The following SREBF2 variants were observed in gnomAD, a reference collection of about 807,000 sequenced individuals.
SREBF2 encodes the protein sterol regulatory element-binding protein 2.
In SREBF2, 55 loss-of-function variants were observed where a neutral mutation model predicts 113.1. That is an observed-to-expected ratio of 0.49 (90% CI 0.39 to 0.61). The LOEUF is 0.61. Ranked by LOEUF, SREBF2 falls within the 20% of genes least tolerant of loss-of-function variation. The probability of loss-of-function intolerance (pLI) is 0.00; values close to 1 mark genes in which losing one functional copy is unlikely to be tolerated. For synonymous variants in SREBF2, 593 were observed against 605.7 expected, an observed-to-expected ratio of 0.98 and a Z score of 0.31; for missense variants, 1,349 against 1,487.4, an observed-to-expected ratio of 0.91 and a Z score of 1.53.
intron 1 of SREBF2, among the ~76,000 whole-genome samples, chr22:41,848,366 C>T (rs1456441195): frequency 1.3e-5 from 2 of 152,062 alleles, no homozygotes; most frequent in Admixed American, 6.6e-5. Context: ...GGATTACAGG[C>T]GTGAGCCACC....
At position 41,894,840 on chromosome 22, in the gene SREBF2, C is replaced by T; in HGVS notation, c.2398C>T (p.His800Tyr). ...TCCAGCTGACCCCATTGCGCAGGTC[C>T]ACCAGGCCTTCTGCAAGAACCTGCT... ...RNPADPIAQV[H>Y]QAFCKNLLER... The change falls in exon 13 of 19, where the codon CAC becomes TAC. Residue 800 changes from histidine to tyrosine, a missense_variant. Transcript: ENST00000361204. 1 of 1,614,178 alleles carries T rather than the reference C, an allele frequency of 6.2e-7. No homozygotes were observed. Among genetic ancestry groups the T allele is most frequent in the Non-Finnish European group, 8.5e-7 (1 of 1,180,018 alleles).
intron 1 of SREBF2, among the ~76,000 whole-genome samples, chr22:41,858,557 A>G (rs1168892826): frequency 6.6e-6 from 1 of 152,200 alleles, no homozygotes; most frequent in Non-Finnish European, 1.5e-5. Context: ...AGCCTGGGCA[A>G]CAAAGCAAGA....
intron 1 of SREBF2, among the ~76,000 whole-genome samples, chr22:41,864,509 A>G (rs1323744742): frequency 1.3e-5 from 2 of 150,156 alleles, no homozygotes; most frequent in East Asian, 4.0e-4. Flanking sequence ...TTTAGTAGAG[A>G]CGGGGTTTCA....
Position 41,903,081 on chromosome 22 carries a change from G to A in SREBF2, c.3019G>A (p.Glu1007Lys), listed in dbSNP as rs966828469. The A allele has an allele frequency of 1.3e-6, 2 of 1,586,984 alleles. No individual in the cohort carries two copies. The highest frequency in any genetic ancestry group is 2.3e-5 in the South Asian group (2 of 87,624). ...VGETYHASGA[E>K]LAGFQRDLGS... ...GGAGACCTACCACGCGTCAGGCGCTGAACTGGCGGGCTTCCAACGGGACCT... is the reference window on the plus strand; with the variant it reads ...GGAGACCTACCACGCGTCAGGCGCTAAACTGGCGGGCTTCCAACGGGACCT... The change falls in exon 17 of 19, where the codon GAA (glutamate) becomes AAA (lysine). Residue 1007 changes from glutamate to lysine, a missense_variant. Physicochemically the swap from Glu to Lys is moderately conservative, Grantham distance 56. Coordinates refer to ENST00000361204, the MANE Select transcript of SREBF2 (RefSeq NM_004599.4).
chr22:41,867,060 C>T lies in SREBF2; in HGVS notation c.318C>T (p.Ser106=). The T allele has an allele frequency of 1.2e-6, 2 of 1,614,180 alleles. No homozygotes were observed. The highest frequency in any genetic ancestry group is 2.2e-5 in the East Asian group (1 of 44,884). Residue 106 remains serine (S), a synonymous_variant, in exon 2 of 19, where the codon TCC becomes TCT. Coordinates refer to ENST00000361204, the MANE Select transcript of SREBF2 (RefSeq NM_004599.4). ...CTTCCTTCTCTCCCTCGGCGGCCTC[C>T]CCACAGGCTCCAACTCTGCAAGTCA... ...TLPSFSPSAA[S]PQAPTLQVKV... is the part of the protein sequence containing the mutation.
intron 17 of SREBF2, among the ~76,000 whole-genome samples, chr22:41,903,722 C>G (rs1422105035): frequency 6.6e-6 from 1 of 151,892 alleles, no homozygotes; most frequent in Non-Finnish European, 1.5e-5. Context: ...GTATTTTTTT[C>G]TAAAAATTTG....
At chr22:41,842,224 C>T (rs768575059) in intron 1 of SREBF2, among the ~76,000 whole-genome samples, 5 of 152,184 alleles carry the variant, frequency 3.3e-5, no homozygotes, top group African/African-American at 4.8e-5. Context: ...CCACTATCTG[C>T]GTAGTCCCAC....
chr22:41,881,750 T>C (rs940862692), intron 10 of SREBF2, among the ~76,000 whole-genome samples: 38 of 152,156 alleles, frequency 2.5e-4, no homozygotes, highest in Non-Finnish European at 8.8e-5. Context: ...AATAGTGATA[T>C]GATCAGGTTT....
chr22:41,844,875 C>A (rs2076862774), intron 1 of SREBF2, among the ~76,000 whole-genome samples: 1 of 152,048 alleles, frequency 6.6e-6, no homozygotes, highest in African/African-American at 2.4e-5. Context: ...TTACCCAAGT[C>A]CTCCTGATAC....
chr22:41,859,633 G>A (rs998112510), intron 1 of SREBF2, among the ~76,000 whole-genome samples: 5 of 151,366 alleles, frequency 3.3e-5, no homozygotes, highest in African/African-American at 7.3e-5. Context: ...TGAATAATGT[G>A]TACTAGCTAA....
At chr22:41,904,374 A>G (rs1051160262) in intron 17 of SREBF2, among the ~76,000 whole-genome samples, 2 of 152,216 alleles carry the variant, frequency 1.3e-5, no homozygotes, top group African/African-American at 4.8e-5. Context: ...TTCACCCACC[A>G]GTGGCTCATA....
chr22:41,839,431 A>G (rs981732137), intron 1 of SREBF2, among the ~76,000 whole-genome samples: 17 of 152,146 alleles, frequency 1.1e-4, no homozygotes, highest in African/African-American at 3.6e-4. Context: ...GGTGGAGACA[A>G]TGCCACAGAG....
chr22:41,839,789 C>T (rs770586057), intron 1 of SREBF2, among the ~76,000 whole-genome samples: 1 of 152,018 alleles, frequency 6.6e-6, no homozygotes. Flanking sequence ...ACATTTGGGC[C>T]GTTTCCACTC....
chr22:41,887,730 C>A (rs1040402543), intron 11 of SREBF2, among the ~76,000 whole-genome samples: 4 of 152,194 alleles, frequency 2.6e-5, no homozygotes, highest in African/African-American at 9.6e-5. Context: ...GGAATGGCAT[C>A]GCTGGGTCAG....
At chr22:41,886,804 C>T (rs1161579820) in intron 11 of SREBF2, among the ~76,000 whole-genome samples, 6 of 152,194 alleles carry the variant, frequency 3.9e-5, no homozygotes, top group Admixed American at 6.5e-5. Flanking sequence ...GAGGCCAAGG[C>T]GAGCAGATCA....
rs142610682 is a variant in SREBF2, at chr22:41,855,432, G to A, written c.89-11399G>A. 2.4e-3 allele frequency among the ~76,000 whole-genome samples: 365 copies of A among 152,138 alleles called. 3 individuals carry two copies. The highest frequency in any genetic ancestry group is 8.4e-3 in the African/African-American group (350 of 41,508). ...TCCCAGCTACTTGGGAGACTGAGGC[G>A]GGAGAATTGAAACTGGGAAGTGGAG... On this transcript the variant is annotated intron_variant, in intron 1 of 18. Transcript: ENST00000361204.
Position 41,869,489 on chromosome 22 carries a change from A to AT in SREBF2, c.720+709dup, listed in dbSNP as rs200309298. 6.4e-3 allele frequency among the ~76,000 whole-genome samples: 773 copies of AT among 120,096 alleles called. 33 individuals carry two copies. In the East Asian group the frequency reaches 0.13, roughly 20 times the overall value. The allele number at this position is 120,096 out of a possible 152,430, so 78.8% of individuals were successfully genotyped here. A position where few individuals can be genotyped will look rare whatever the true frequency, so the allele number is the denominator to read the frequency against. Reference sequence around the variant, plus strand: ...GCATGTATTATTAATCTTTTTTTTAATTTTTTTTTTTTGGAGACAGTTTTG... The same window carrying AT: ...GCATGTATTATTAATCTTTTTTTTAATTTTTTTTTTTTTGGAGACAGTTTTG... On this transcript the variant is annotated intron_variant, in intron 3 of 18. Transcript: ENST00000361204.
chr22:41,897,021 A>G (rs2077422297), intron 13 of SREBF2, 31 bp from the exon 14 acceptor site: 1 of 1,512,224 alleles, frequency 6.6e-7, no homozygotes, highest in Non-Finnish European at 9.1e-7. Flanking sequence ...ATATGTTTTG[A>G]TGTACATGGG....
intron 15 of SREBF2, chr22:41,899,325 AT>A (rs2077444098): frequency 9.8e-7 from 1 of 1,021,530 alleles, no homozygotes; most frequent in Admixed American, 5.0e-5. Context: ...AGCTTTTGAC[AT>A]TCCTCTTTGG....
Sources: allele counts gnomAD v4.1 joint callset (sites outside exome capture counted in the v4.1 genomes callset), GRCh38; gene constraint gnomAD v4.1.1; transcripts MANE v1.5; gene names NCBI Gene and HGNC (gene_info 2026-07-23, HGNC 2026-07-21).